UNC5C: variants seen among roughly 807,000 people sequenced by gnomAD.
UNC5C encodes the protein netrin receptor UNC5C.
In UNC5C, 47 loss-of-function variants were observed where a neutral mutation model predicts 99.8. That is an observed-to-expected ratio of 0.47 (90% confidence interval 0.37 to 0.60). The LOEUF is 0.60. UNC5C is among the 20% of genes least tolerant of loss of function. The pLI is 0.00. For missense variants in UNC5C, 1,062 were observed against 1,165.9 expected, an observed-to-expected ratio of 0.91 and a Z score of 1.30; for synonymous variants, 487 against 452.2, an observed-to-expected ratio of 1.08 and a Z score of -0.98.
At chr4:95,540,576 G>A (rs542255917) in intron 1 of UNC5C, among the ~76,000 whole-genome samples, 2 of 152,296 alleles carry the variant, frequency 1.3e-5, no homozygotes, top group South Asian at 4.1e-4. Context: ...TAAATAAAAT[G>A]ACAGGCACCA....
chr4:95,236,700 G>A (rs951348902), intron 7 of UNC5C, among the ~76,000 whole-genome samples: 8 of 151,874 alleles, frequency 5.3e-5, no homozygotes, highest in African/African-American at 1.9e-4. Context: ...CTTTTACTAA[G>A]CATACCTTTA....
intron 8 of UNC5C, 117 bp downstream of exon 8, chr4:95,219,868 C>A: frequency 1.8e-6 from 2 of 1,112,656 alleles, no homozygotes; most frequent in South Asian, 1.7e-5. Context: ...AAAATTAACT[C>A]AAATTGCTGT....
intron 1 of UNC5C, among the ~76,000 whole-genome samples, chr4:95,444,192 A>G (rs1204727186): frequency 3.3e-5 from 5 of 152,228 alleles, no homozygotes; most frequent in African/African-American, 1.2e-4. Flanking sequence ...ACTGGCAGAT[A>G]AAGACCTGCT....
intron 11 of UNC5C, 94 bp downstream of exon 11, chr4:95,206,534 G>A (rs2149362259): frequency 6.4e-6 from 10 of 1,557,702 alleles, no homozygotes; most frequent in African/African-American, 4.1e-5. Context: ...TTCCACTCAT[G>A]TTTTGCTTTA....
At chr4:95,242,392 C>A in intron 7 of UNC5C, 37 bp downstream of exon 7, 1 of 1,611,760 alleles carries the variant, frequency 6.2e-7, no homozygotes, top group Non-Finnish European at 8.5e-7. Flanking sequence ...CAATCTCCAG[C>A]CCCCTCAATG....
intron 12 of UNC5C, among the ~76,000 whole-genome samples, chr4:95,192,266 T>TCACCTCTTCTGCC (rs1737160506): frequency 8.0e-6 from 1 of 124,894 alleles, no homozygotes; most frequent in African/African-American, 3.2e-5. Flanking sequence ...CCTTTCCTGC[T>TCACCTCTTCTGCC]CACCTCTTCT....
At chr4:95,391,757 T>TAAAAAAAA (rs61515733) in intron 1 of UNC5C, among the ~76,000 whole-genome samples, 1 of 125,912 alleles carries the variant, frequency 7.9e-6, no homozygotes. Context: ...CCTTTCATGG[T>TAAAAAAAA]AAAAAAAAAA....
At chr4:95,291,104 TA>T (rs891672272) in intron 3 of UNC5C, among the ~76,000 whole-genome samples, 1 of 151,898 alleles carries the variant, frequency 6.6e-6, no homozygotes, top group Non-Finnish European at 1.5e-5. Flanking sequence ...AAGAGTTTTT[TA>T]AAAAAATAAA....
intron 1 of UNC5C, among the ~76,000 whole-genome samples, chr4:95,488,866 A>T (rs949125438): frequency 4.0e-5 from 6 of 151,720 alleles, no homozygotes; most frequent in African/African-American, 1.5e-4. Flanking sequence ...ACTCTCACAC[A>T]ACTATGCGTG....
intron 1 of UNC5C, among the ~76,000 whole-genome samples, chr4:95,498,142 C>A (rs1721678074): frequency 1.3e-5 from 2 of 151,962 alleles, no homozygotes; most frequent in Non-Finnish European, 2.9e-5. Flanking sequence ...CTATCATGGA[C>A]CCCGAAAGTC....
intron 4 of UNC5C, among the ~76,000 whole-genome samples, chr4:95,262,215 G>T (rs529156781): frequency 6.6e-6 from 1 of 152,118 alleles, no homozygotes; most frequent in Admixed American, 6.5e-5. Context: ...TGCAAATCAG[G>T]TGGTTTAAAT....
At chr4:95,451,152 C>T (rs545805101) in intron 1 of UNC5C, among the ~76,000 whole-genome samples, 2 of 152,280 alleles carry the variant, frequency 1.3e-5, no homozygotes, top group African/African-American at 2.4e-5. Context: ...TAAATCTCAA[C>T]GTGGAAGTCT....
At chr4:95,427,751 A>G (rs920619333) in intron 1 of UNC5C, among the ~76,000 whole-genome samples, 5 of 152,116 alleles carry the variant, frequency 3.3e-5, no homozygotes, top group African/African-American at 7.2e-5. Context: ...CTTGATTGTA[A>G]TATCTGCTTT....
At chr4:95,323,710 T>G (rs546896620) in intron 2 of UNC5C, among the ~76,000 whole-genome samples, 2 of 152,314 alleles carry the variant, frequency 1.3e-5, no homozygotes, top group South Asian at 4.1e-4. Context: ...TCATTAGAGA[T>G]TCTGTGAAAA....
At chr4:95,178,675 G>A (rs922375365) in intron 14 of UNC5C, among the ~76,000 whole-genome samples, 1 of 152,208 alleles carries the variant, frequency 6.6e-6, no homozygotes, top group African/African-American at 2.4e-5. Flanking sequence ...AAATGTGGAA[G>A]TTAAATCCTG....
At chr4:95,520,894 C>T (rs893319838) in intron 1 of UNC5C, among the ~76,000 whole-genome samples, 1 of 151,940 alleles carries the variant, frequency 6.6e-6, no homozygotes, top group Non-Finnish European at 1.5e-5. Context: ...CCACCGCGCC[C>T]GGCCTAGTAT....
chr4:95,358,177 A>G (rs1373369582), intron 1 of UNC5C, among the ~76,000 whole-genome samples: 5 of 152,186 alleles, frequency 3.3e-5, no homozygotes, highest in Admixed American at 3.3e-4. Flanking sequence ...GTGTTTTACA[A>G]CAAAAACAAA....
chr4:95,259,718 GT>G (rs1560757371), intron 4 of UNC5C, among the ~76,000 whole-genome samples: 3 of 151,674 alleles, frequency 2.0e-5, no homozygotes, highest in South Asian at 2.1e-4. Context: ...AACATTATCA[GT>G]TTTAAAAAAA....
intron 1 of UNC5C, among the ~76,000 whole-genome samples, chr4:95,395,852 G>A (rs1228757807): frequency 6.6e-6 from 1 of 152,168 alleles, no homozygotes; most frequent in Non-Finnish European, 1.5e-5. Context: ...GACCAAGCAT[G>A]GGGCCCTTCT....
Sources: gnomAD v4.1 joint callset for allele counts (sites outside exome capture counted in the v4.1 genomes callset) on GRCh38, gnomAD v4.1.1 for gene constraint, MANE v1.5 for transcripts, NCBI Gene and HGNC (gene_info 2026-07-23, HGNC 2026-07-21) for gene names.